Variants in GTF2H5 observed in about 807,000 individuals in gnomAD.
GTF2H5 encodes TFB5 ortholog.
GTF2H5 carries 5 observed loss-of-function variants against 7.1 expected under a neutral mutation model. The ratio of observed to expected loss-of-function variants is 0.71; its 90% CI spans 0.37 to 1.49. The LOEUF (loss-of-function observed/expected upper bound fraction) is 1.49. Among genes scored for constraint, GTF2H5 ranks in the 40% most tolerant of loss-of-function variants. GTF2H5 has a pLI of 0.03. For synonymous variants in GTF2H5, 30 were observed against 31.7 expected, an observed-to-expected ratio of 0.95 and a Z score of 0.18; for missense variants, 80 against 83.0, an observed-to-expected ratio of 0.96 and a Z score of 0.14.
intron 2 of GTF2H5, chr6:158,190,585 TC>T: frequency 2.4e-6 from 1 of 415,884 alleles, no homozygotes; most frequent in Non-Finnish European, 4.7e-6. Context: ...AAACCCAAAG[TC>T]CCCCAAATCA....
At chr6:158,184,131 T>A (rs1776857087) in intron 2 of GTF2H5, among the ~76,000 whole-genome samples, 1 of 152,016 alleles carries the variant, frequency 6.6e-6, no homozygotes, top group African/African-American at 2.4e-5. Context: ...TGGTTACACA[T>A]GAGAGCACAG....
chr6:158,181,323 G>C, intron 2 of GTF2H5, among the ~76,000 whole-genome samples: 1 of 152,302 alleles, frequency 6.6e-6, no homozygotes, highest in South Asian at 2.1e-4. Flanking sequence ...AGTGTGATGG[G>C]ATGCTGAGAA....
chr6:158,168,792 T>C (rs1785683749), intron 1 of GTF2H5, among the ~76,000 whole-genome samples: 1 of 152,224 alleles, frequency 6.6e-6, no homozygotes, highest in Non-Finnish European at 1.5e-5. Flanking sequence ...TTTGGTCTCC[T>C]CATATGTAAA....
chr6:158,192,235 A>T lies in GTF2H5; in HGVS notation c.*78A>T. On this transcript the variant is annotated 3_prime_UTR_variant, in exon 3 of 3. Coordinates refer to ENST00000607778, the MANE Select transcript of GTF2H5 (RefSeq NM_207118.3). ...TGCCACTCAATATCTTAGGTGACTG[A>T]TTAGACATAGAGGGTTGTTTTAGGA... The T allele has an allele frequency of 1.8e-6, 2 of 1,109,442 alleles. No individual in the cohort carries two copies. Among genetic ancestry groups the T allele is most frequent in the Admixed American group, 3.5e-5 (2 of 57,622 alleles). The allele number at this position is 1,109,442 out of a possible 1,614,324, so 68.7% of individuals were successfully genotyped here.
At chr6:158,180,057 G>C (rs1268561100) in intron 2 of GTF2H5, among the ~76,000 whole-genome samples, 4 of 152,122 alleles carry the variant, frequency 2.6e-5, no homozygotes, top group Non-Finnish European at 4.4e-5. Context: ...AGCATGAAAG[G>C]CTGTTGAATT....
chr6:158,191,949 T>C (rs374668000), intron 2 of GTF2H5, 28 bp from the exon 3 acceptor site: 3 of 1,586,280 alleles, frequency 1.9e-6, no homozygotes, highest in Non-Finnish European at 1.7e-6. Context: ...CAACAAGCTG[T>C]CTTACAATCA....
intron 2 of GTF2H5, among the ~76,000 whole-genome samples, chr6:158,181,917 A>G (rs908165561): frequency 1.3e-5 from 2 of 152,178 alleles, no homozygotes; most frequent in African/African-American, 4.8e-5. Flanking sequence ...TCCTGTCATT[A>G]TGAGGCTAGC....
intron 2 of GTF2H5, among the ~76,000 whole-genome samples, chr6:158,186,496 C>T (rs1776922550): frequency 1.3e-5 from 2 of 152,214 alleles, no homozygotes; most frequent in Admixed American, 1.3e-4. Context: ...ATTACTGTTA[C>T]ATTTGGATCC....
At position 158,169,770 on chromosome 6, in the gene GTF2H5, A is replaced by AT. The variant is rs1562469503; in HGVS notation, c.-34-699dup. On this transcript the variant is annotated intron_variant, in intron 1 of 2. Transcript: ENST00000607778. Reference sequence around the variant, plus strand: ...TTATATAATATATTGTATATTATATATAATATATTGTATATTATATATTAT... The same window carrying AT: ...TTATATAATATATTGTATATTATATATTAATATATTGTATATTATATATTAT... Among the ~76,000 whole-genome samples the AT allele has an allele frequency of 7.9e-3, 585 of 73,960 alleles. 75 individuals are homozygous for AT. Among genetic ancestry groups the AT allele is most frequent in the African/African-American group, 0.016 (365 of 22,176 alleles). 48.5% of individuals were successfully genotyped at this position (73,960 alleles called of 152,430 possible).
At chr6:158,180,113 C>G (rs964949505) in intron 2 of GTF2H5, among the ~76,000 whole-genome samples, 3 of 152,126 alleles carry the variant, frequency 2.0e-5, no homozygotes, top group Non-Finnish European at 4.4e-5. Flanking sequence ...AAGGCCTTTT[C>G]CGCATCTTTT....
intron 2 of GTF2H5, among the ~76,000 whole-genome samples, chr6:158,174,046 TG>T (rs1785896569): frequency 6.6e-6 from 1 of 152,078 alleles, no homozygotes; most frequent in African/African-American, 2.4e-5. Context: ...TGTATGATAG[TG>T]GTGAAGGTTG....
At chr6:158,175,010 A>ATGTG (rs200557393) in intron 2 of GTF2H5, among the ~76,000 whole-genome samples, 27,974 of 138,016 alleles carry the variant, frequency 0.2, 3,391 homozygotes, top group East Asian at 0.43. Flanking sequence ...TGTGCCTGAG[A>ATGTG]TGTGTGTGTG....
At chr6:158,175,107 A>C (rs1228322327) in intron 2 of GTF2H5, among the ~76,000 whole-genome samples, 1 of 149,124 alleles carries the variant, frequency 6.7e-6, no homozygotes, top group East Asian at 2.1e-4. Flanking sequence ...TGTACTGAAT[A>C]AATTTTGTTA....
intron 1 of GTF2H5, 48 bp downstream of exon 1, chr6:158,168,443 A>G (rs942169475): frequency 6.6e-6 from 1 of 152,414 alleles, no homozygotes; most frequent in African/African-American, 2.4e-5. Context: ...GTGTGGGAAC[A>G]CTGAGGGGTC....
At chr6:158,169,538 T>TATAATATACAGTATATTAC in intron 1 of GTF2H5, among the ~76,000 whole-genome samples, 1 of 62,904 alleles carries the variant, frequency 1.6e-5, no homozygotes, top group African/African-American at 6.8e-5. Context: ...CAGTATATTA[T>TATAATATACAGTATATTAC]ATATAATATA....
In GTF2H5 at chr6:158,195,499, A is replaced by G. The variant is rs1315837833; in HGVS notation, c.*3342A>G. The stretch of plus-strand genomic sequence containing the variant: ...TGGATATAACAATGTATTTTGAGAA[A>G]TCAGTTTTGGTGAACAGTAACAGCA... On this transcript the variant is annotated 3_prime_UTR_variant, in exon 3 of 3. Coordinates refer to ENST00000607778, the MANE Select transcript of GTF2H5 (RefSeq NM_207118.3). 6.6e-6 allele frequency: 1 copy of G among 152,212 alleles called. No individual in the cohort carries two copies. Among genetic ancestry groups the G allele is most frequent in the Non-Finnish European group, 1.5e-5 (1 of 68,046 alleles). 9.4% of individuals were successfully genotyped at this position (152,212 alleles called of 1,614,324 possible).
chr6:158,184,424 C>T (rs1440504388), intron 2 of GTF2H5, among the ~76,000 whole-genome samples: 1 of 152,072 alleles, frequency 6.6e-6, no homozygotes. Context: ...ACTTTTGTGT[C>T]TTTGTAACAG....
In GTF2H5 at chr6:158,192,186, T is replaced by C; in HGVS notation, c.*29T>C. 1 of 1,561,608 alleles carries C rather than the reference T, an allele frequency of 6.4e-7. No individual in the cohort carries two copies. The highest frequency in any genetic ancestry group is 8.8e-7 in the Non-Finnish European group (1 of 1,134,232). ...TACTCAATATGGACCATTTAGGAATTATAAGCAGCAACTGTGAAAGACTTG... is the reference window on the plus strand; with the variant it reads ...TACTCAATATGGACCATTTAGGAATCATAAGCAGCAACTGTGAAAGACTTG... On this transcript the variant is annotated 3_prime_UTR_variant, in exon 3 of 3. Coordinates refer to ENST00000607778, the MANE Select transcript of GTF2H5 (RefSeq NM_207118.3).
chr6:158,195,550 A>G lies in GTF2H5; in HGVS notation c.*3393A>G, dbSNP rs1777094916. 2 of 152,246 alleles carry G rather than the reference A, an allele frequency of 1.3e-5. No individual in the cohort carries two copies. The highest frequency in any genetic ancestry group is 2.9e-5 in the Non-Finnish European group (2 of 68,042). The allele number at this position is 152,246 out of a possible 1,614,324, so 9.4% of individuals were successfully genotyped here. ...TTACTGATAATAGGCAACAAACACT[A>G]CTGCATTTTATTTCTGATAGGCATT... On this transcript the variant is annotated 3_prime_UTR_variant, in exon 3 of 3. Transcript: ENST00000607778.
Sources: allele counts gnomAD v4.1 joint callset (sites outside exome capture counted in the v4.1 genomes callset), GRCh38; gene constraint gnomAD v4.1.1; transcripts MANE v1.5; gene names NCBI Gene and HGNC (gene_info 2026-07-23, HGNC 2026-07-21).